The following TEX36 variants were observed in gnomAD, a reference collection of about 807,000 sequenced individuals.
The protein encoded by TEX36 is testis expressed 36.
Under a neutral mutation model 13.6 loss-of-function variants are expected in TEX36, and 12 were observed. The ratio of observed to expected loss-of-function variants is 0.88; its 90% CI spans 0.56 to 1.43. The LOEUF (loss-of-function observed/expected upper bound fraction) is 1.43, where lower values mean the gene tolerates loss of function less well. Among genes scored for constraint, TEX36 ranks in the 40% most tolerant of loss-of-function variants. The pLI, the probability that TEX36 is intolerant of heterozygous loss-of-function variation, is 0.00. For missense variants in TEX36, 224 were observed against 228.3 expected, an observed-to-expected ratio of 0.98 and a Z score of 0.12; for synonymous variants, 93 against 83.0, an observed-to-expected ratio of 1.12 and a Z score of -0.65.
chr10:125,661,897 C>T lies in TEX36; in HGVS notation c.132G>A (p.Leu44=). 1 of 1,552,258 alleles carries T rather than the reference C, an allele frequency of 6.4e-7. No individual in the cohort carries two copies. The highest frequency in any genetic ancestry group is 8.7e-7 in the Non-Finnish European group (1 of 1,147,112). The part of the protein sequence containing the change: ...ATSKEPQSPH[L]PRQAEGKLPP... ...GCAGCTTCCCCTCCGCTTGCCGAGG[C>T]AAGTGTGGACTCTGGGGCTCTTTTG... The change falls in exon 2 of 4, where the codon TTG becomes TTA. Residue 44 remains leucine, a synonymous_variant. Coordinates refer to ENST00000368821, the MANE Select transcript of TEX36 (RefSeq NM_001128202.3).
chr10:125,582,563 T>C (rs150782220), intron 3 of TEX36, among the ~76,000 whole-genome samples: 52 of 152,354 alleles, frequency 3.4e-4, no homozygotes, highest in African/African-American at 1.1e-3. Flanking sequence ...GATTTTATCA[T>C]TTATTTGAGT....
intron 3 of TEX36, among the ~76,000 whole-genome samples, chr10:125,633,328 C>T (rs542663644): frequency 2.8e-4 from 43 of 152,258 alleles, no homozygotes; most frequent in Admixed American, 5.9e-4. Flanking sequence ...AGCTAAGAAA[C>T]CCAGTCTGCT....
intron 3 of TEX36, among the ~76,000 whole-genome samples, chr10:125,645,885 C>T (rs1349576089): frequency 1.3e-5 from 2 of 152,040 alleles, no homozygotes; most frequent in African/African-American, 4.8e-5. Flanking sequence ...ATGTGTTAAG[C>T]CTCAAGAACA....
At chr10:125,612,170 A>T (rs1846298209) in intron 3 of TEX36, among the ~76,000 whole-genome samples, 1 of 147,616 alleles carries the variant, frequency 6.8e-6, no homozygotes, top group Non-Finnish European at 1.5e-5. Flanking sequence ...TGCAACCTCC[A>T]CCACCTGGGT....
At chr10:125,621,235 C>A (rs1267621149), downstream of TEX36, among the ~76,000 whole-genome samples, 1 of 152,140 alleles carries the variant, frequency 6.6e-6, no homozygotes, top group Non-Finnish European at 1.5e-5. Flanking sequence ...ATTGCTGAGT[C>A]ATGTGGTAAT....
At chr10:125,619,568 T>C (rs1315729245), downstream of TEX36, among the ~76,000 whole-genome samples, 1 of 152,200 alleles carries the variant, frequency 6.6e-6, no homozygotes, top group Non-Finnish European at 1.5e-5. Flanking sequence ...TGTTTGTTTT[T>C]GAGACGGAGT....
At chr10:125,675,197 G>C (rs893943107) in intron 1 of TEX36, among the ~76,000 whole-genome samples, 1 of 152,194 alleles carries the variant, frequency 6.6e-6, no homozygotes, top group East Asian at 1.9e-4. Flanking sequence ...GTCTGGCCAC[G>C]ATCTGCCACA....
chr10:125,662,748 C>T (rs560940821), intron 1 of TEX36, among the ~76,000 whole-genome samples: 41 of 152,152 alleles, frequency 2.7e-4, no homozygotes, highest in African/African-American at 9.6e-4. Context: ...CCTGAGCTAC[C>T]CCCAGAAGAA....
At chr10:125,603,899 G>T (rs1052203829) in intron 3 of TEX36, among the ~76,000 whole-genome samples, 2 of 152,156 alleles carry the variant, frequency 1.3e-5, no homozygotes, top group Non-Finnish European at 2.9e-5. Context: ...GGCCCAGTGG[G>T]CAGGTTAGGC....
chr10:125,580,715 C>G (rs190401668), intron 3 of TEX36, among the ~76,000 whole-genome samples: 111 of 152,276 alleles, frequency 7.3e-4, no homozygotes, highest in African/African-American at 2.6e-3. Context: ...CTGACCTCAG[C>G]CTCCCGCTTC....
At chr10:125,590,967 T>C (rs1331889018) in intron 3 of TEX36, among the ~76,000 whole-genome samples, 1 of 152,188 alleles carries the variant, frequency 6.6e-6, no homozygotes, top group Admixed American at 6.5e-5. Flanking sequence ...TCGTGGGATA[T>C]ATTTTTTTCC....
chr10:125,592,847 A>G (rs1388539649), intron 3 of TEX36, among the ~76,000 whole-genome samples: 1 of 152,216 alleles, frequency 6.6e-6, no homozygotes, highest in African/African-American at 2.4e-5. Context: ...CTTATAAAGA[A>G]TGCTACAAAG....
chr10:125,667,762 C>G, intron 1 of TEX36: 1 of 845,814 alleles, frequency 1.2e-6, no homozygotes, highest in Non-Finnish European at 2.0e-6. Context: ...CAGCTGTCAG[C>G]AGCAGCTGAC....
rs115734876 is a variant in TEX36, at chr10:125,586,898, G to T, written c.265-10024C>A. 7.5e-3 allele frequency among the ~76,000 whole-genome samples: 1,143 copies of T among 152,218 alleles called. 14 individuals carry two copies. Among genetic ancestry groups the T allele is most frequent in the African/African-American group, 0.027 (1,111 of 41,540 alleles). On this transcript the variant is annotated intron_variant, in intron 3 of 3. Transcript: ENST00000532135. ...ATCCCCGGTGTTGGAGGTGGGGCCT[G>T]GTGGGAGGTGATTGGAAAGGTGGTT...
chr10:125,623,659 C>G (rs1846452863), intron 3 of TEX36, among the ~76,000 whole-genome samples: 2 of 151,900 alleles, frequency 1.3e-5, no homozygotes, highest in Admixed American at 1.3e-4. Flanking sequence ...GGTGCGAGGC[C>G]CTGTACGGGA....
intron 1 of TEX36, chr10:125,667,765 C>G: frequency 1.2e-6 from 1 of 861,002 alleles, no homozygotes; most frequent in Non-Finnish European, 1.9e-6. Flanking sequence ...CTGTCAGCAG[C>G]AGCTGACAGT....
At chr10:125,667,384 A>G (rs908782922) in intron 1 of TEX36, 1 of 648,062 alleles carries the variant, frequency 1.5e-6, no homozygotes. Context: ...GGGGGATCTC[A>G]GGCTCCGCAA....
intron 3 of TEX36, among the ~76,000 whole-genome samples, chr10:125,614,557 G>A (rs1194865725): frequency 6.6e-6 from 1 of 152,126 alleles, no homozygotes; most frequent in Non-Finnish European, 1.5e-5. Context: ...CCCATTGCTT[G>A]TTCTTCTCAG....
intron 3 of TEX36, among the ~76,000 whole-genome samples, chr10:125,648,323 GCAA>G (rs1460287206): frequency 6.6e-6 from 1 of 152,190 alleles, no homozygotes; most frequent in Non-Finnish European, 1.5e-5. Context: ...GAAGGATCAG[GCAA>G]CAACATTTGC....
Sources: gnomAD v4.1 joint callset for allele counts (sites outside exome capture counted in the v4.1 genomes callset) on GRCh38, gnomAD v4.1.1 for gene constraint, MANE v1.5 for transcripts, NCBI Gene and HGNC (gene_info 2026-07-23, HGNC 2026-07-21) for gene names.